Variants in ITGAL observed in about 807,000 individuals in gnomAD.
ITGAL encodes the protein integrin alpha-L.
ITGAL carries 68 observed loss-of-function variants against 138.4 expected under a neutral mutation model. The observed-to-expected ratio is 0.49, with a 90% CI of 0.40 to 0.60. The LOEUF is 0.60. ITGAL is among the 20% of genes least tolerant of loss of function. The pLI is 0.00. For synonymous variants in ITGAL, 561 were observed against 584.3 expected, an observed-to-expected ratio of 0.96 and a Z score of 0.57; for missense variants, 1,256 against 1,478.6, an observed-to-expected ratio of 0.85 and a Z score of 2.47.
At position 30,517,850 on chromosome 16, in the gene ITGAL, C is replaced by A. The variant is rs369835784; in HGVS notation, c.3087C>A (p.Ile1029=). 6.2e-7 allele frequency: 1 copy of A among 1,614,040 alleles called. No homozygotes were observed. Among genetic ancestry groups the A allele is most frequent in the African/African-American group, 1.3e-5 (1 of 74,926 alleles). Residue 1029 remains isoleucine, a synonymous_variant, in exon 28 of 31, where the codon ATC becomes ATA. Transcript: ENST00000356798. ...FRCPVVFRQE[I]LVQVIGTLEL... is the part of the protein sequence containing the mutation. Reference sequence around the variant, plus strand: ...GCCCTGTTGTCTTCAGGCAGGAGATCCTCGTCCAAGTGATCGGGACTCTGG... The same window carrying A: ...GCCCTGTTGTCTTCAGGCAGGAGATACTCGTCCAAGTGATCGGGACTCTGG...
rs1391581797 is a variant in ITGAL, at chr16:30,496,148, G to A, written c.1555G>A (p.Gly519Arg). ...GCAGGGGGACCCCGGCTACCCACTC[G>A]GGCGGTTTGGAGAAGCCATCACTGC... ...ELQGDPGYPL[G>R]RFGEAITALT... The change falls in exon 14 of 31, where the codon GGG (glycine) becomes AGG (arginine). Residue 519 changes from glycine to arginine, a missense_variant. Transcript: ENST00000356798. 11 of 1,613,932 alleles carry A rather than the reference G, an allele frequency of 6.8e-6. No individual in the cohort carries two copies. The highest frequency in any genetic ancestry group is 2.5e-6 in the Non-Finnish European group (3 of 1,180,000).
chr16:30,477,103 T>C (rs570020223), intron 4 of ITGAL: 1 of 152,350 alleles, frequency 6.6e-6, no homozygotes, highest in Admixed American at 6.5e-5. Flanking sequence ...CCCAAGTTCA[T>C]TGCTCTCTCC....
intron 11 of ITGAL, among the ~76,000 whole-genome samples, chr16:30,492,650 G>A (rs2050740558): frequency 6.9e-6 from 1 of 145,452 alleles, no homozygotes; most frequent in Non-Finnish European, 1.5e-5. Context: ...TCCGCCTCCT[G>A]GGTTCACGCC....
chr16:30,520,883 G>A (rs1023310904), intron 30 of ITGAL, among the ~76,000 whole-genome samples: 2 of 152,124 alleles, frequency 1.3e-5, no homozygotes, highest in Admixed American at 6.6e-5. Flanking sequence ...TCGCGAGTTC[G>A]AGACCAGCCT....
chr16:30,475,550 G>A lies in ITGAL; in HGVS notation c.297G>A (p.Leu99=). ...CCTCCAAGTACTTGGGAATGACCTT[G>A]GCAACAGACCCCACAGATGGAAGCA... is the stretch of plus-strand genomic sequence containing the variant. ...NYTSKYLGMT[L]ATDPTDGSIL... The change falls in exon 4 of 31, where the codon TTG becomes TTA. Residue 99 remains leucine (L), a synonymous_variant. Transcript: ENST00000356798. 1 of 1,613,974 alleles carries A rather than the reference G, an allele frequency of 6.2e-7. No individual in the cohort carries two copies. The highest frequency in any genetic ancestry group is 8.5e-7 in the Non-Finnish European group (1 of 1,179,962).
intron 26 of ITGAL, among the ~76,000 whole-genome samples, chr16:30,517,407 A>G (rs1371852040): frequency 6.6e-6 from 1 of 152,010 alleles, no homozygotes; most frequent in African/African-American, 2.4e-5. Context: ...GCAGTGAGCT[A>G]TGATGGCACC....
chr16:30,492,839 C>T (rs1476799320), intron 11 of ITGAL, among the ~76,000 whole-genome samples: 3 of 151,990 alleles, frequency 2.0e-5, no homozygotes, highest in Admixed American at 6.6e-5. Context: ...CCACCGCGCC[C>T]GGCAACATGA....
At chr16:30,480,078 TG>T (rs763851037) in intron 6 of ITGAL, among the ~76,000 whole-genome samples, 19 of 152,082 alleles carry the variant, frequency 1.2e-4, no homozygotes, top group Non-Finnish European at 2.2e-4. Flanking sequence ...ACTACCCATG[TG>T]CACCACTGTG....
At chr16:30,481,182 A>C (rs1597067188) in intron 6 of ITGAL, 1 of 353,736 alleles carries the variant, frequency 2.8e-6, no homozygotes, top group African/African-American at 2.7e-5. Flanking sequence ...ACACACACAC[A>C]CCACACACAC....
At chr16:30,516,282 T>G (rs1190826079) in intron 25 of ITGAL, among the ~76,000 whole-genome samples, 3 of 151,316 alleles carry the variant, frequency 2.0e-5, no homozygotes, top group African/African-American at 7.3e-5. Context: ...CAGGTTGGAG[T>G]GCAGTGGCAT....
intron 26 of ITGAL, 54 bp from the exon 27 acceptor site, chr16:30,517,595 G>T: frequency 1.4e-6 from 2 of 1,476,310 alleles, no homozygotes; most frequent in Non-Finnish European, 1.9e-6. Flanking sequence ...TGGGATGCCA[G>T]TGTCTTATCT....
chr16:30,509,368 G>A (rs1456471042), intron 21 of ITGAL: 1 of 151,996 alleles, frequency 6.6e-6, no homozygotes, highest in Non-Finnish European at 1.5e-5. Context: ...TACAAAATTG[G>A]GATGAAGATG....
Position 30,474,165 on chromosome 16 carries a change from G to T in ITGAL, c.62-31G>T, listed in dbSNP as rs764749954. Reference sequence around the variant, plus strand: ...GCACGTGCAGGGGCGGGGGTCCCTCGGTCGCAGCTGACGACCCTTGCCTTC... The same window carrying T: ...GCACGTGCAGGGGCGGGGGTCCCTCTGTCGCAGCTGACGACCCTTGCCTTC... On this transcript the variant is annotated intron_variant, in intron 1 of 30. Coordinates refer to ENST00000356798, the MANE Select transcript of ITGAL (RefSeq NM_002209.3). 50 of 1,524,344 alleles carry T rather than the reference G, an allele frequency of 3.3e-5. No individual in the cohort carries two copies. The African/African-American group carries it at 4.7e-4, about 14-fold the overall frequency. The allele number at this position is 1,524,344 out of a possible 1,614,324, so 94.4% of individuals were successfully genotyped here. A position where few individuals can be genotyped will look rare whatever the true frequency, so the allele number is the denominator to read the frequency against.
intron 20 of ITGAL, 133 bp from the exon 21 acceptor site, chr16:30,506,582 A>T: frequency 2.6e-6 from 1 of 390,706 alleles, no homozygotes; most frequent in Non-Finnish European, 4.5e-6. Flanking sequence ...AAAAAAAAAA[A>T]AAAAAAAAAA....
intron 11 of ITGAL, 135 bp downstream of exon 11, chr16:30,489,521 C>T (rs542234421): frequency 3.5e-5 from 27 of 782,558 alleles, no homozygotes; most frequent in Non-Finnish European, 5.1e-5. Flanking sequence ...ATGGCTATAA[C>T]ATTCATAATT....
At chr16:30,485,678 A>ATTTTTTT (rs60648321) in intron 9 of ITGAL, among the ~76,000 whole-genome samples, 6 of 141,142 alleles carry the variant, frequency 4.3e-5, no homozygotes, top group Non-Finnish European at 4.6e-5. Flanking sequence ...CACCTGGCTA[A>ATTTTTTT]TTTTTTTTTT....
intron 25 of ITGAL, among the ~76,000 whole-genome samples, chr16:30,514,555 G>A (rs903218658): frequency 2.0e-5 from 3 of 151,956 alleles, no homozygotes; most frequent in African/African-American, 7.3e-5. Flanking sequence ...GGGATTACAG[G>A]CATGAGCCAC....
chr16:30,480,430 A>G (rs776125840), intron 6 of ITGAL, among the ~76,000 whole-genome samples: 2 of 152,046 alleles, frequency 1.3e-5, no homozygotes, highest in Non-Finnish European at 2.9e-5. Flanking sequence ...GTTCTCAGAG[A>G]AGAGGTTCTG....
At chr16:30,513,335 C>T (rs942597413) in intron 24 of ITGAL, among the ~76,000 whole-genome samples, 7 of 152,154 alleles carry the variant, frequency 4.6e-5, no homozygotes, top group South Asian at 2.1e-4. Context: ...GACCCTCCCT[C>T]GCAGTAGGGG....
Sources: gnomAD v4.1 joint callset for allele counts (sites outside exome capture counted in the v4.1 genomes callset) on GRCh38, gnomAD v4.1.1 for gene constraint, MANE v1.5 for transcripts, NCBI Gene and HGNC (gene_info 2026-07-23, HGNC 2026-07-21) for gene names.